FKTN: variants seen among roughly 807,000 people sequenced by gnomAD.
The protein encoded by FKTN is ribitol-5-phosphate transferase FKTN.
A neutral mutation model predicts 58.6 loss-of-function variants in FKTN; 47 were observed. The observed-to-expected ratio is 0.80, with a 90% CI of 0.63 to 1.02. The LOEUF (loss-of-function observed/expected upper bound fraction) is 1.02, where lower values mean the gene tolerates loss of function less well. Ranked by LOEUF, FKTN falls within the 50% of genes least tolerant of loss-of-function variation. The pLI is 0.00. For missense variants in FKTN, 516 were observed against 537.3 expected (o/e 0.96, Z 0.39); for synonymous variants, 178 against 191.9 (o/e 0.93, Z 0.60).
intron 10 of FKTN, 132 bp from the exon 11 acceptor site, chr9:105,634,919 T>G (rs1588313537): frequency 1.3e-6 from 1 of 789,782 alleles, no homozygotes; most frequent in Non-Finnish European, 2.2e-6. Context: ...CAAAAATAAT[T>G]AAATATCCAC....
intron 1 of FKTN, among the ~76,000 whole-genome samples, chr9:105,561,155 T>C (rs1013135993): frequency 7.2e-5 from 11 of 151,752 alleles, no homozygotes; most frequent in African/African-American, 2.2e-4. Flanking sequence ...CCTATAATCA[T>C]TCCAGGTGCC....
rs534100680 is a variant in FKTN, at chr9:105,579,338, C to T, written c.105+4201C>T. On this transcript the variant is annotated intron_variant, in intron 3 of 10. Transcript: ENST00000357998. The stretch of plus-strand genomic sequence containing the variant: ...ATTTCCCTCTACACATTGCTTTAAA[C>T]ATGTCCCAGAGATTCTGGTATGTCG... 8.8e-3 allele frequency among the ~76,000 whole-genome samples: 1,334 copies of T among 152,112 alleles called. 17 individuals carry two copies. The highest frequency in any genetic ancestry group is 0.031 in the African/African-American group (1,277 of 41,456).
rs2133454572 is a variant in FKTN at position 105,635,418 on chromosome 9, C to T, written c.*154C>T. On this transcript the variant is annotated 3_prime_UTR_variant, in exon 11 of 11. Transcript: ENST00000357998. Reference sequence around the variant, plus strand: ...AAAGAGTCATCTGATGTAATTCTCTCACTTAGTACTGAGGAATTTTCATGT... The same window carrying T: ...AAAGAGTCATCTGATGTAATTCTCTTACTTAGTACTGAGGAATTTTCATGT... 1.4e-5 allele frequency: 20 copies of T among 1,475,944 alleles called. No homozygotes were observed. The highest frequency in any genetic ancestry group is 1.8e-5 in the Non-Finnish European group (20 of 1,120,290). The allele number at this position is 1,475,944 out of a possible 1,614,324, so 91.4% of individuals were successfully genotyped here. A position where few individuals can be genotyped will look rare whatever the true frequency, so the allele number is the denominator to read the frequency against.
intron 7 of FKTN, among the ~76,000 whole-genome samples, chr9:105,614,470 GGAT>G (rs751335694): frequency 8.5e-5 from 13 of 152,224 alleles, no homozygotes; most frequent in Admixed American, 3.3e-4. Context: ...TAGAAAGTGA[GGAT>G]GATATGTACA....
At chr9:105,607,003 G>A (rs1349073374) in intron 6 of FKTN, among the ~76,000 whole-genome samples, 1 of 151,558 alleles carries the variant, frequency 6.6e-6, no homozygotes, top group Non-Finnish European at 1.5e-5. Flanking sequence ...TATTTCAAAT[G>A]ACCTTCTTTA....
At chr9:105,634,974 A>C in intron 10 of FKTN, 77 bp from the exon 11 acceptor site, 1 of 1,154,182 alleles carries the variant, frequency 8.7e-7, no homozygotes, top group African/African-American at 1.5e-5. Context: ...TCCTTCAGCC[A>C]ATAATGCACT....
At chr9:105,623,988 C>T (rs1291910287) in intron 10 of FKTN, among the ~76,000 whole-genome samples, 1 of 152,034 alleles carries the variant, frequency 6.6e-6, no homozygotes, top group East Asian at 1.9e-4. Flanking sequence ...TTAAAAAATT[C>T]TGTGGGCATC....
chr9:105,579,892 G>T (rs1333937913), intron 3 of FKTN, among the ~76,000 whole-genome samples: 1 of 151,946 alleles, frequency 6.6e-6, no homozygotes, highest in Non-Finnish European at 1.5e-5. Flanking sequence ...AGCTCTTCTT[G>T]TTGAATTGAT....
In FKTN at chr9:105,639,349, G is replaced by A. The variant is rs1588333182; in HGVS notation, c.*4085G>A. 5.4e-6 allele frequency: 5 copies of A among 928,660 alleles called. No homozygotes were observed. In the East Asian group the frequency reaches 5.9e-4, roughly 109 times the overall value. The allele number at this position is 928,660 out of a possible 1,614,324, so 57.5% of individuals were successfully genotyped here. A position where few individuals can be genotyped will look rare whatever the true frequency, so the allele number is the denominator to read the frequency against. Reference sequence around the variant, plus strand: ...CCATAAAAAGACCACAAGCTTTTGAGTTAGGCCTGAATTTGAATTTCAGCT... The same window carrying A: ...CCATAAAAAGACCACAAGCTTTTGAATTAGGCCTGAATTTGAATTTCAGCT... On this transcript the variant is annotated 3_prime_UTR_variant, in exon 11 of 11. Coordinates refer to ENST00000357998, the MANE Select transcript of FKTN (RefSeq NM_001079802.2).
intron 1 of FKTN, among the ~76,000 whole-genome samples, chr9:105,570,893 A>G (rs1840623011): frequency 6.6e-6 from 1 of 152,152 alleles, no homozygotes; most frequent in Non-Finnish European, 1.5e-5. Flanking sequence ...CATTGCAGAC[A>G]AGAGGTAATG....
At position 105,615,419 on chromosome 9, in the gene FKTN, A is replaced by G. The variant is rs770441676; in HGVS notation, c.910+12A>G. Reference sequence around the variant, plus strand: ...TGGAACTTGTCTAGGTAAAATTCTTACGACTTTCCATTTGTCTTTCTGTCA... The same window carrying G: ...TGGAACTTGTCTAGGTAAAATTCTTGCGACTTTCCATTTGTCTTTCTGTCA... On this transcript the variant is annotated intron_variant, in intron 8 of 10. Coordinates refer to ENST00000357998, the MANE Select transcript of FKTN (RefSeq NM_001079802.2). 4.3e-6 allele frequency: 7 copies of G among 1,613,676 alleles called. No individual in the cohort carries two copies. The East Asian group carries it at 1.3e-4, about 31-fold the overall frequency.
At chr9:105,581,427 T>C (rs1842874271) in intron 3 of FKTN, among the ~76,000 whole-genome samples, 1 of 149,534 alleles carries the variant, frequency 6.7e-6, no homozygotes. Context: ...TACCCTGCCT[T>C]GTGAGGTGTC....
rs186497832 is a variant in FKTN at position 105,583,877 on chromosome 9, C to T, written c.105+8740C>T. ...AGGTATGAATTAGACATCTAACTTA[C>T]ATTTTTCCACAATGATTAACCAATT... On this transcript the variant is annotated intron_variant, in intron 3 of 10. Coordinates refer to ENST00000357998, the MANE Select transcript of FKTN (RefSeq NM_001079802.2). Among the ~76,000 whole-genome samples, 18 of 152,186 alleles carry T rather than the reference C, an allele frequency of 1.2e-4. 1 individual carries two copies. The East Asian group carries it at 3.1e-3, about 26-fold the overall frequency.
At position 105,640,196 on chromosome 9, in the gene FKTN, G is replaced by C; in HGVS notation, c.*4932G>C. ...CATAAGTGAAACAGACTAATTCAAT[G>C]GCAATACCTTTTGTATAGGTCCTGT... On this transcript the variant is annotated 3_prime_UTR_variant, in exon 11 of 11. Coordinates refer to ENST00000357998, the MANE Select transcript of FKTN (RefSeq NM_001079802.2). 6.5e-7 allele frequency: 1 copy of C among 1,527,628 alleles called. No homozygotes were observed. The highest frequency in any genetic ancestry group is 8.8e-7 in the Non-Finnish European group (1 of 1,142,450). 94.6% of individuals were successfully genotyped at this position (1,527,628 alleles called of 1,614,324 possible).
At chr9:105,589,394 C>G (rs1235260139) in intron 3 of FKTN, among the ~76,000 whole-genome samples, 1 of 151,706 alleles carries the variant, frequency 6.6e-6, no homozygotes, top group African/African-American at 2.4e-5. Flanking sequence ...CCCAGCTATT[C>G]AGGAAGCTGA....
chr9:105,633,376 G>A (rs1018870440), intron 10 of FKTN: 1 of 152,058 alleles, frequency 6.6e-6, no homozygotes, highest in South Asian at 2.1e-4. Flanking sequence ...AGACCACAAA[G>A]GATAATACTT....
At chr9:105,585,985 T>G (rs1226614601) in intron 3 of FKTN, among the ~76,000 whole-genome samples, 1 of 152,158 alleles carries the variant, frequency 6.6e-6, no homozygotes, top group Non-Finnish European at 1.5e-5. Flanking sequence ...CAACCCAAAT[T>G]TAGTAGCAGT....
rs762709743 is a variant in FKTN, at chr9:105,602,701, G to A, written c.369+1353G>A. Among the ~76,000 whole-genome samples the A allele has an allele frequency of 7.2e-5, 11 of 152,100 alleles. No homozygotes were observed. The South Asian group carries it at 1.7e-3, about 23-fold the overall frequency. On this transcript the variant is annotated intron_variant, in intron 5 of 10. Transcript: ENST00000357998. ...CTCCTGAGTAGCTGGGATTACAGGC[G>A]TGTGCCACCACGTGTGACTGATTTT... is the stretch of plus-strand genomic sequence containing the variant.
chr9:105,637,164 T>A lies in FKTN; in HGVS notation c.*1900T>A, dbSNP rs1834101582. ...TATTTTTGGGCAAAATCCACCCTACTTGATGAGGACCATTTGCTTGTGCTC... is the reference window on the plus strand; with the variant it reads ...TATTTTTGGGCAAAATCCACCCTACATGATGAGGACCATTTGCTTGTGCTC... On this transcript the variant is annotated 3_prime_UTR_variant, in exon 11 of 11. Transcript: ENST00000357998. The A allele has an allele frequency of 1.0e-6, 1 of 985,470 alleles. No homozygotes were observed. The highest frequency in any genetic ancestry group is 1.2e-6 in the Non-Finnish European group (1 of 829,444). The allele number at this position is 985,470 out of a possible 1,614,324, so 61.0% of individuals were successfully genotyped here.
Sources: allele counts gnomAD v4.1 joint callset (sites outside exome capture counted in the v4.1 genomes callset), GRCh38; gene constraint gnomAD v4.1.1; transcripts MANE v1.5; gene names NCBI Gene and HGNC (gene_info 2026-07-23, HGNC 2026-07-21).